The following NLRP8 variants were observed in gnomAD, a reference collection of about 807,000 sequenced individuals.
The protein encoded by NLRP8 is NACHT, LRR and PYD domains-containing protein 8.
Under a neutral mutation model 88.7 loss-of-function variants are expected in NLRP8, and 86 were observed. That is an observed-to-expected ratio of 0.97 (90% confidence interval 0.81 to 1.16). NLRP8 has a LOEUF of 1.16. Among genes scored for constraint, NLRP8 ranks in the 50% most tolerant of loss-of-function variants. The pLI is 0.00. For missense variants in NLRP8, 1,342 were observed against 1,286.5 expected (o/e 1.04, Z -0.66); for synonymous variants, 504 against 494.6 (o/e 1.02, Z -0.25).
At chr19:55,978,963 C>G (rs1270021179) in intron 8 of NLRP8, among the ~76,000 whole-genome samples, 1 of 151,986 alleles carries the variant, frequency 6.6e-6, no homozygotes, top group African/African-American at 2.4e-5. Flanking sequence ...AACACCTGGC[C>G]CATTAGGACA....
intron 4 of NLRP8, among the ~76,000 whole-genome samples, chr19:55,964,882 G>A (rs955703814): frequency 2.6e-5 from 4 of 151,966 alleles, no homozygotes; most frequent in Non-Finnish European, 5.9e-5. Context: ...ATATCAAATC[G>A]ATTATACCTC....
intron 9 of NLRP8, among the ~76,000 whole-genome samples, chr19:55,987,405 A>G (rs1980899948): frequency 6.6e-6 from 1 of 152,224 alleles, no homozygotes; most frequent in African/African-American, 2.4e-5. Flanking sequence ...GGGTACTGCA[A>G]CTTGAATGTC....
At chr19:55,966,146 G>T in intron 4 of NLRP8, 67 bp from the exon 5 acceptor site, 1 of 1,508,084 alleles carries the variant, frequency 6.6e-7, no homozygotes, top group Non-Finnish European at 9.1e-7. Context: ...AGCCTCGTTT[G>T]TGAGGCCACA....
At chr19:55,958,093 C>T (rs968195327) in intron 3 of NLRP8, among the ~76,000 whole-genome samples, 5 of 152,052 alleles carry the variant, frequency 3.3e-5, no homozygotes, top group African/African-American at 1.2e-4. Context: ...GAAGCTAAGA[C>T]GAGCTAAAAT....
At chr19:55,974,503 C>T (rs1980219154) in intron 7 of NLRP8, among the ~76,000 whole-genome samples, 1 of 151,894 alleles carries the variant, frequency 6.6e-6, no homozygotes, top group South Asian at 2.1e-4. Flanking sequence ...AATCCCAGCA[C>T]TTTGGGAGTC....
chr19:55,986,944 G>A (rs1385467219), intron 9 of NLRP8, among the ~76,000 whole-genome samples: 2 of 152,166 alleles, frequency 1.3e-5, no homozygotes, highest in Non-Finnish European at 2.9e-5. Context: ...TCAAAGCCCA[G>A]GACCAAAGGA....
intron 9 of NLRP8, among the ~76,000 whole-genome samples, chr19:55,983,310 A>G (rs1205179017): frequency 6.6e-6 from 1 of 151,762 alleles, no homozygotes; most frequent in African/African-American, 2.4e-5. Flanking sequence ...CTAAAAATAC[A>G]AAAATTAGCC....
chr19:55,980,357 G>A (rs1980520392), intron 9 of NLRP8, among the ~76,000 whole-genome samples: 1 of 152,142 alleles, frequency 6.6e-6, no homozygotes, highest in Admixed American at 6.5e-5. Context: ...AATTTTTCCT[G>A]GTGTATGAGT....
intron 5 of NLRP8, among the ~76,000 whole-genome samples, chr19:55,969,922 G>C (rs1980000755): frequency 6.6e-6 from 1 of 152,162 alleles, no homozygotes; most frequent in African/African-American, 2.4e-5. Flanking sequence ...AATCCAGCCC[G>C]AGAAGACAGT....
rs755314546 is a variant in NLRP8 at position 55,955,905 on chromosome 19, T to C, written c.1847T>C (p.Ile616Thr). The change falls in exon 3 of 10, where the codon ATC (isoleucine) becomes ACC (threonine). Residue 616 changes from isoleucine to threonine, a missense_variant. By Grantham distance (89) the Ile-to-Thr change is moderately conservative. Coordinates refer to ENST00000291971, the MANE Select transcript of NLRP8 (RefSeq NM_176811.2). Reference sequence around the variant, plus strand: ...CAGTTATTCTACTGTCTGCATGAAATCCGGGAGGAAGCCTTTGTAAGCCAA... The same window carrying C: ...CAGTTATTCTACTGTCTGCATGAAACCCGGGAGGAAGCCTTTGTAAGCCAA... 6.2e-7 allele frequency: 1 copy of C among 1,614,132 alleles called. No homozygotes were observed. The highest frequency in any genetic ancestry group is 8.5e-7 in the Non-Finnish European group (1 of 1,180,014).
At chr19:55,951,821 C>A (rs1383770523) in intron 1 of NLRP8, among the ~76,000 whole-genome samples, 2 of 152,210 alleles carry the variant, frequency 1.3e-5, no homozygotes, top group East Asian at 1.9e-4. Flanking sequence ...ATGATCATGG[C>A]TCCCTTCAGC....
At chr19:55,975,010 T>C (rs1289974040) in intron 7 of NLRP8, among the ~76,000 whole-genome samples, 3 of 152,144 alleles carry the variant, frequency 2.0e-5, no homozygotes, top group Non-Finnish European at 2.9e-5. Context: ...AGGTAGTTCA[T>C]TTTCACAGCT....
At chr19:55,948,366 G>A (rs1388709590) in intron 1 of NLRP8, 97 bp downstream of exon 1, 1 of 1,284,766 alleles carries the variant, frequency 7.8e-7, no homozygotes, top group African/African-American at 1.5e-5. Context: ...GGCCTTCTGA[G>A]CAAGAAAGCA....
intron 9 of NLRP8, chr19:55,987,767 C>T (rs755627786): frequency 1.0e-5 from 14 of 1,401,244 alleles, no homozygotes; most frequent in Admixed American, 1.7e-5. Flanking sequence ...AGTCACTCAT[C>T]CTCAGAAAAT....
In NLRP8 at chr19:55,947,958, C is replaced by G; in HGVS notation, c.56C>G (p.Thr19Ser). The G allele has an allele frequency of 6.2e-7, 1 of 1,614,110 alleles. No individual in the cohort carries two copies. The highest frequency in any genetic ancestry group is 8.5e-7 in the Non-Finnish European group (1 of 1,180,002). ...CCCATTCCCTTTTCATCCTCCTCCA[C>G]TCACAGTTCTCATATTCCGCCCTGG... The change falls in exon 1 of 10, where the codon ACT becomes AGT. Residue 19 changes from threonine to serine, a missense_variant. Coordinates refer to ENST00000291971, the MANE Select transcript of NLRP8 (RefSeq NM_176811.2).
Position 55,954,904 on chromosome 19 carries a change from G to C in NLRP8, c.846G>C (p.Leu282=). Residue 282 remains leucine (L), a synonymous_variant, in exon 3 of 10, where the codon CTG becomes CTC. Coordinates refer to ENST00000291971, the MANE Select transcript of NLRP8 (RefSeq NM_176811.2). ...TTATGTCCAAACCCGACCAACTTCT[G>C]CTGCTCTTGGATGGCTTTGAGGAGC... The C allele has an allele frequency of 6.2e-7, 1 of 1,614,174 alleles. No homozygotes were observed. The highest frequency in any genetic ancestry group is 2.2e-5 in the East Asian group (1 of 44,880).
chr19:55,954,585 ACTT>A lies in NLRP8; in HGVS notation c.533_535del (p.Phe178del), dbSNP rs773103156. 3.7e-5 allele frequency: 60 copies of A among 1,613,974 alleles called. No individual in the cohort carries two copies. Among genetic ancestry groups the A allele is most frequent in the Non-Finnish European group, 4.9e-5 (58 of 1,180,028 alleles). Reference sequence around the variant, plus strand: ...ACGACTTGGCCTGGAAACCAGAGGGACTTCTTCTACCAAGGTGTACACAGGCAC... The same window carrying A: ...ACGACTTGGCCTGGAAACCAGAGGGACTTCTACCAAGGTGTACACAGGCAC... On this transcript the variant is annotated inframe_deletion, in exon 3 of 10. Coordinates refer to ENST00000291971, the MANE Select transcript of NLRP8 (RefSeq NM_176811.2).
chr19:55,954,408 G>A lies in NLRP8; in HGVS notation c.443-93G>A, dbSNP rs544812757. On this transcript the variant is annotated intron_variant, in intron 2 of 9. Coordinates refer to ENST00000291971, the MANE Select transcript of NLRP8 (RefSeq NM_176811.2). ...ATGCAAGGGCATCACGGGGCTTCAC[G>A]TAGACATCGAGACTGGTTTTCTTAT... The A allele has an allele frequency of 3.3e-5, 42 of 1,270,458 alleles. No homozygotes were observed. In the Admixed American group the frequency reaches 3.7e-4, roughly 11 times the overall value. The allele number at this position is 1,270,458 out of a possible 1,614,324, so 78.7% of individuals were successfully genotyped here. A position where few individuals can be genotyped will look rare whatever the true frequency, so the allele number is the denominator to read the frequency against.
intron 9 of NLRP8, among the ~76,000 whole-genome samples, chr19:55,981,390 C>G (rs1980566677): frequency 6.6e-6 from 1 of 152,166 alleles, no homozygotes; most frequent in Non-Finnish European, 1.5e-5. Context: ...ATAGATTAGT[C>G]ACTGCATTGG....
Sources: allele counts gnomAD v4.1 joint callset (sites outside exome capture counted in the v4.1 genomes callset), GRCh38; gene constraint gnomAD v4.1.1; transcripts MANE v1.5; gene names NCBI Gene and HGNC (gene_info 2026-07-23, HGNC 2026-07-21).